The following ANKS6 variants were observed in gnomAD, a reference collection of about 807,000 sequenced individuals.
The protein encoded by ANKS6 is ankyrin repeat and SAM domain-containing protein 6.
A neutral mutation model predicts 77.9 loss-of-function variants in ANKS6; 47 were observed. The observed-to-expected ratio is 0.60, with a 90% confidence interval of 0.48 to 0.77. The LOEUF (loss-of-function observed/expected upper bound fraction) is 0.77, where lower values mean the gene tolerates loss of function less well. Among genes scored for constraint, ANKS6 ranks in the 30% least tolerant of loss-of-function variants. The pLI is 0.00. For synonymous variants in ANKS6, 488 were observed against 501.7 expected (o/e 0.97, Z 0.37); for missense variants, 1,150 against 1,159.1 (o/e 0.99, Z 0.11).
chr9:98,736,346 G>T lies in ANKS6; in HGVS notation c.*173C>A. 1 of 1,424,674 alleles carries T rather than the reference G, an allele frequency of 7.0e-7. No individual in the cohort carries two copies. The allele number at this position is 1,424,674 out of a possible 1,614,324, so 88.3% of individuals were successfully genotyped here. A position where few individuals can be genotyped will look rare whatever the true frequency, so the allele number is the denominator to read the frequency against. ...AATCTGTCTCTGTGTGTTGAAGTTT[G>T]TTGCAGCAAGAAGTACTACCAATGA... On this transcript the variant is annotated 3_prime_UTR_variant, in exon 15 of 15. Coordinates refer to ENST00000353234, the MANE Select transcript of ANKS6 (RefSeq NM_173551.5).
intron 2 of ANKS6, among the ~76,000 whole-genome samples, chr9:98,789,176 G>A (rs1588417766): frequency 1.3e-5 from 2 of 151,876 alleles, no homozygotes; most frequent in East Asian, 3.9e-4. Flanking sequence ...TGTGCCTGAA[G>A]CTACTTTCTT....
At chr9:98,767,794 T>C (rs1004569156) in intron 11 of ANKS6, among the ~76,000 whole-genome samples, 2 of 152,190 alleles carry the variant, frequency 1.3e-5, no homozygotes, top group Non-Finnish European at 1.5e-5. Flanking sequence ...TGAACAAATG[T>C]GTGCAGTGTG....
Position 98,751,080 on chromosome 9 carries a change from G to T in ANKS6, c.2343C>A (p.Ile781=). Residue 781 remains isoleucine (I), a synonymous_variant, in exon 13 of 15, where the codon ATC becomes ATA. Coordinates refer to ENST00000353234, the MANE Select transcript of ANKS6 (RefSeq NM_173551.5). The part of the protein sequence containing the change: ...TITDEDELTG[I]LKKLSLEKYQ... ...ATTTCTCAAGTGATAATTTCTTAAG[G>T]ATTCCAGTCAGTTCATCTTCAAGAT... is the stretch of plus-strand genomic sequence containing the variant. 2.5e-6 allele frequency: 4 copies of T among 1,608,730 alleles called. No individual in the cohort carries two copies. The South Asian group carries it at 4.5e-5, about 18-fold the overall frequency.
chr9:98,784,450 T>C (rs1301473467), intron 3 of ANKS6: 4 of 407,522 alleles, frequency 9.8e-6, no homozygotes, highest in Admixed American at 4.1e-5. Context: ...GAAGGAGAGT[T>C]CAGGTCTCGC....
At chr9:98,780,037 C>T (rs1198919715) in intron 6 of ANKS6, 152 bp downstream of exon 6, 2 of 1,086,802 alleles carry the variant, frequency 1.8e-6, no homozygotes, top group Non-Finnish European at 2.6e-6. Context: ...TTCCTGGTCC[C>T]CTTTGTTTCC....
At chr9:98,786,322 T>C (rs1588413066) in intron 2 of ANKS6, among the ~76,000 whole-genome samples, 1 of 147,032 alleles carries the variant, frequency 6.8e-6, no homozygotes, top group Non-Finnish European at 1.5e-5. Flanking sequence ...GATGGAGTCT[T>C]GCTGTGTCTC....
intron 2 of ANKS6, among the ~76,000 whole-genome samples, chr9:98,787,190 T>C (rs1192946917): frequency 6.6e-6 from 1 of 152,044 alleles, no homozygotes; most frequent in Non-Finnish European, 1.5e-5. Context: ...AATCTGTCAT[T>C]ATCAATAGCA....
chr9:98,770,866 C>T, intron 10 of ANKS6, 30 bp downstream of exon 10: 3 of 1,405,892 alleles, frequency 2.1e-6, no homozygotes, highest in African/African-American at 1.5e-5. Context: ...ATCACCCCAC[C>T]TCCCTGAGTG....
chr9:98,785,237 T>A (rs1834501110), intron 2 of ANKS6, among the ~76,000 whole-genome samples: 1 of 152,230 alleles, frequency 6.6e-6, no homozygotes, highest in Non-Finnish European at 1.5e-5. Flanking sequence ...ATGGACATTG[T>A]TTAAAAATTT....
intron 3 of ANKS6, among the ~76,000 whole-genome samples, 197 bp downstream of exon 3, chr9:98,784,635 A>T (rs973803682): frequency 6.6e-6 from 1 of 152,170 alleles, no homozygotes; most frequent in Non-Finnish European, 1.5e-5. Flanking sequence ...GTGGGGCTGG[A>T]GGCCGTCTGG....
At position 98,733,745 on chromosome 9, in the gene ANKS6, T is replaced by TA; in HGVS notation, c.*2773dup. The TA allele has an allele frequency of 3.0e-6, 3 of 985,516 alleles. No individual in the cohort carries two copies. The highest frequency in any genetic ancestry group is 3.6e-6 in the Non-Finnish European group (3 of 830,002). The allele number at this position is 985,516 out of a possible 1,614,324, so 61.0% of individuals were successfully genotyped here. The stretch of plus-strand genomic sequence containing the variant: ...CATGCTGAAGGTTGTGAGAGGCCTG[T>TA]AGCAAAGATGATCGTGTAGCTCGCT... On this transcript the variant is annotated 3_prime_UTR_variant, in exon 15 of 15. Coordinates refer to ENST00000353234, the MANE Select transcript of ANKS6 (RefSeq NM_173551.5).
intron 7 of ANKS6, 124 bp downstream of exon 7, chr9:98,778,102 T>C (rs921418745): frequency 8.8e-7 from 1 of 1,136,864 alleles, no homozygotes; most frequent in African/African-American, 1.6e-5. Context: ...CCAGCCTCTA[T>C]GCTCCAGTGT....
intron 13 of ANKS6, 83 bp from the exon 14 acceptor site, chr9:98,745,758 G>T: frequency 2.0e-6 from 2 of 990,108 alleles, no homozygotes; most frequent in Non-Finnish European, 3.3e-6. Context: ...ATGATTATGA[G>T]CTATGAGTGC....
intron 13 of ANKS6, among the ~76,000 whole-genome samples, chr9:98,748,026 C>G (rs1268306396): frequency 6.6e-6 from 1 of 152,262 alleles, no homozygotes; most frequent in East Asian, 1.9e-4. Flanking sequence ...CAAAGTTCAG[C>G]TTAGCTCTCA....
At chr9:98,746,582 CTTTTTTTTT>C (rs71496901) in intron 13 of ANKS6, among the ~76,000 whole-genome samples, 1 of 133,306 alleles carries the variant, frequency 7.5e-6, no homozygotes, top group Non-Finnish European at 1.6e-5. Context: ...GCACAGAGAG[CTTTTTTTTT>C]TTTTTTTTTA....
intron 8 of ANKS6, among the ~76,000 whole-genome samples, chr9:98,775,541 C>T (rs896955455): frequency 5.9e-5 from 9 of 152,138 alleles, no homozygotes; most frequent in Non-Finnish European, 1.3e-4. Flanking sequence ...ACTAACAGTG[C>T]CAACCTCAGG....
intron 5 of ANKS6, 150 bp from the exon 6 acceptor site, chr9:98,780,487 T>C (rs1588400372): frequency 2.0e-6 from 2 of 981,340 alleles, no homozygotes; most frequent in East Asian, 2.7e-5. Flanking sequence ...CCTCTCCATC[T>C]GATCTTCAAA....
rs373390160 is a variant in ANKS6, at chr9:98,777,421, G to A, written c.1601C>T (p.Thr534Met). 14 of 1,614,022 alleles carry A rather than the reference G, an allele frequency of 8.7e-6. No homozygotes were observed. The highest frequency in any genetic ancestry group is 2.2e-5 in the South Asian group (2 of 91,086). Residue 534 changes from threonine (T) to methionine (M), a missense_variant, in exon 8 of 15, where the codon ACG becomes ATG. By Grantham distance (81) the Thr-to-Met change is moderately conservative. Coordinates refer to ENST00000353234, the MANE Select transcript of ANKS6 (RefSeq NM_173551.5). ...CACACTCACCATGGTTGTCAATAAC[G>A]TGTCTTCCTTTTCTCCTCTTGTGCT... is the stretch of plus-strand genomic sequence containing the variant. ...PGSTRGEKED[T>M]LLTTMLRNGA...
chr9:98,784,718 G>A, intron 3 of ANKS6, 114 bp downstream of exon 3: 1 of 979,484 alleles, frequency 1.0e-6, no homozygotes, highest in Non-Finnish European at 1.6e-6. Flanking sequence ...ACACCAAAAT[G>A]CCTGTTTCTT....
Sources: gnomAD v4.1 joint callset for allele counts (sites outside exome capture counted in the v4.1 genomes callset) on GRCh38, gnomAD v4.1.1 for gene constraint, MANE v1.5 for transcripts, NCBI Gene and HGNC (gene_info 2026-07-23, HGNC 2026-07-21) for gene names.